PRKG2: variants seen among roughly 807,000 people sequenced by gnomAD.
The protein encoded by PRKG2 is protein kinase cGMP-dependent 2.
In PRKG2, 33 loss-of-function variants were observed where a neutral mutation model predicts 97.2. That is an observed-to-expected ratio of 0.34 (90% CI 0.26 to 0.45). The LOEUF is 0.45. Among genes scored for constraint, PRKG2 ranks in the 20% least tolerant of loss-of-function variants. The pLI is 1.00. For missense variants in PRKG2, 638 were observed against 900.0 expected, an observed-to-expected ratio of 0.71 and a Z score of 3.73; for synonymous variants, 330 against 321.8, an observed-to-expected ratio of 1.03 and a Z score of -0.27.
At chr4:81,107,392 C>A (rs1743453123) in intron 15 of PRKG2, among the ~76,000 whole-genome samples, 1 of 151,750 alleles carries the variant, frequency 6.6e-6, no homozygotes. Flanking sequence ...CTGAATTGGT[C>A]CAATGTTGAG....
At chr4:81,188,602 A>C (rs370905899) in intron 2 of PRKG2, among the ~76,000 whole-genome samples, 19,318 of 131,870 alleles carry the variant, frequency 0.15, 1,875 homozygotes, top group Middle Eastern at 0.23. Context: ...TATTCACAAT[A>C]GCAAAGACGT....
At chr4:81,169,613 C>T (rs758080729) in intron 5 of PRKG2, 50 bp downstream of exon 5, 2 of 1,304,280 alleles carry the variant, frequency 1.5e-6, no homozygotes, top group South Asian at 1.3e-5. Context: ...AATATATTCA[C>T]AATATGGCGA....
intron 14 of PRKG2, among the ~76,000 whole-genome samples, chr4:81,117,741 A>G (rs776869296): frequency 4.6e-5 from 7 of 152,230 alleles, no homozygotes; most frequent in Non-Finnish European, 1.0e-4. Context: ...GATTTCCTAT[A>G]TAATTCCTGC....
At chr4:81,194,723 T>C (rs1235093054) in intron 2 of PRKG2, among the ~76,000 whole-genome samples, 1 of 152,224 alleles carries the variant, frequency 6.6e-6, no homozygotes, top group Non-Finnish European at 1.5e-5. Flanking sequence ...ACACACTCAA[T>C]GACAGGCATA....
At chr4:81,115,605 C>T (rs1744435546) in intron 14 of PRKG2, among the ~76,000 whole-genome samples, 1 of 152,154 alleles carries the variant, frequency 6.6e-6, no homozygotes, top group South Asian at 2.1e-4. Flanking sequence ...TTCCAATTGG[C>T]TATGTTCATT....
At chr4:81,106,591 C>T (rs548979913) in intron 15 of PRKG2, among the ~76,000 whole-genome samples, 3 of 152,154 alleles carry the variant, frequency 2.0e-5, no homozygotes, top group Non-Finnish European at 1.5e-5. Flanking sequence ...AAGTCAGGGG[C>T]AAGGAGCCCC....
intron 17 of PRKG2, among the ~76,000 whole-genome samples, chr4:81,100,944 A>G (rs1454710496): frequency 6.6e-6 from 1 of 152,214 alleles, no homozygotes; most frequent in African/African-American, 2.4e-5. Flanking sequence ...ACATTTATGC[A>G]GCCAAAAGAC....
chr4:81,140,185 A>G (rs1427481488), intron 12 of PRKG2, among the ~76,000 whole-genome samples: 1 of 152,178 alleles, frequency 6.6e-6, no homozygotes, highest in African/African-American at 2.4e-5. Flanking sequence ...GGAAGGGGAG[A>G]TGGTTAATGG....
At chr4:81,165,605 C>T (rs1192519190) in intron 6 of PRKG2, among the ~76,000 whole-genome samples, 1 of 152,120 alleles carries the variant, frequency 6.6e-6, no homozygotes, top group Non-Finnish European at 1.5e-5. Context: ...TTTCACACAT[C>T]ACAGAGACAC....
At position 81,204,835 on chromosome 4, in the gene PRKG2, C is replaced by T. The variant is rs1753547973; in HGVS notation, c.213G>A (p.Glu71=). 3.7e-6 allele frequency: 6 copies of T among 1,614,198 alleles called. No individual in the cohort carries two copies. Among genetic ancestry groups the T allele is most frequent in the Non-Finnish European group, 4.2e-6 (5 of 1,180,030 alleles). The change falls in exon 2 of 19, where the codon GAG becomes GAA. Residue 71 remains glutamate, a synonymous_variant. Coordinates refer to ENST00000264399, the MANE Select transcript of PRKG2 (RefSeq NM_006259.3). ...TCAGCTGGATGCACTTGTTCTGGAG[C>T]TCCTCTGTGAGTTCAGCAATGGCCA... ...QTVAIAELTE[E]LQNKCIQLNK... is the part of the protein sequence containing the mutation.
At chr4:81,143,094 T>C (rs1747457073) in intron 10 of PRKG2, 147 bp from the exon 11 acceptor site, 1 of 1,013,922 alleles carries the variant, frequency 9.9e-7, no homozygotes. Flanking sequence ...CTTTTATGGA[T>C]CAGATTCAGT....
At chr4:81,144,942 A>C (rs1376429491) in intron 9 of PRKG2, among the ~76,000 whole-genome samples, 1 of 151,650 alleles carries the variant, frequency 6.6e-6, no homozygotes, top group East Asian at 1.9e-4. Context: ...TGAACTCATC[A>C]TTTTTTATGG....
At chr4:81,204,524 T>C in intron 2 of PRKG2, 63 bp downstream of exon 2, 3 of 1,440,970 alleles carry the variant, frequency 2.1e-6, no homozygotes, top group Admixed American at 2.0e-5. Context: ...GCTTAATAAA[T>C]GTCACTCTCA....
At chr4:81,195,557 C>A (rs1402160398) in intron 2 of PRKG2, among the ~76,000 whole-genome samples, 1 of 152,142 alleles carries the variant, frequency 6.6e-6, no homozygotes, top group African/African-American at 2.4e-5. Flanking sequence ...CTCCTCACCC[C>A]TCCTGCTCCT....
intron 2 of PRKG2, among the ~76,000 whole-genome samples, chr4:81,203,969 T>C (rs1232232786): frequency 6.6e-6 from 1 of 152,210 alleles, no homozygotes; most frequent in Non-Finnish European, 1.5e-5. Flanking sequence ...CCACCTGCTA[T>C]AGTATTGGCT....
At chr4:81,171,118 T>A (rs937835190) in intron 4 of PRKG2, among the ~76,000 whole-genome samples, 23 of 152,020 alleles carry the variant, frequency 1.5e-4, no homozygotes, top group African/African-American at 5.6e-4. Flanking sequence ...AACACCTAGG[T>A]ATTTAGCCCC....
At chr4:81,153,532 C>T (rs1748626624) in intron 7 of PRKG2, 112 bp downstream of exon 7, 2 of 799,164 alleles carry the variant, frequency 2.5e-6, no homozygotes, top group Admixed American at 2.5e-5. Context: ...GTAGAAGCTC[C>T]TTTATCTGTC....
At chr4:81,199,276 G>C (rs995525125) in intron 2 of PRKG2, among the ~76,000 whole-genome samples, 4 of 152,016 alleles carry the variant, frequency 2.6e-5, no homozygotes, top group African/African-American at 9.7e-5. Context: ...GCACTTTCTG[G>C]AAGAATCATT....
chr4:81,213,414 G>T (rs573891357), intron 1 of PRKG2, among the ~76,000 whole-genome samples: 1 of 152,108 alleles, frequency 6.6e-6, no homozygotes, highest in South Asian at 2.1e-4. Context: ...CATCAGAAAG[G>T]CCATGCAGAT....
Sources: gnomAD v4.1 joint callset for allele counts (sites outside exome capture counted in the v4.1 genomes callset) on GRCh38, gnomAD v4.1.1 for gene constraint, MANE v1.5 for transcripts, NCBI Gene and HGNC (gene_info 2026-07-23, HGNC 2026-07-21) for gene names.